CTNNA3: variants seen among roughly 807,000 people sequenced by gnomAD.
CTNNA3 encodes the protein catenin alpha-3.
In CTNNA3, 76 loss-of-function variants were observed where a neutral mutation model predicts 95.7. The ratio of observed to expected loss-of-function variants is 0.79; its 90% CI spans 0.66 to 0.96. The LOEUF (loss-of-function observed/expected upper bound fraction) is 0.96, where lower values mean the gene tolerates loss of function less well. Ranked by LOEUF, CTNNA3 falls within the 40% of genes least tolerant of loss-of-function variation. The pLI, the probability that CTNNA3 is intolerant of heterozygous loss-of-function variation, is 0.00. For missense variants in CTNNA3, 1,191 were observed against 1,089.8 expected (o/e 1.09, Z -1.31); for synonymous variants, 431 against 374.4 (o/e 1.15, Z -1.74).
At chr10:66,347,630 A>G (rs2132379896) in intron 12 of CTNNA3, among the ~76,000 whole-genome samples, 1 of 152,170 alleles carries the variant, frequency 6.6e-6, no homozygotes, top group African/African-American at 2.4e-5. Context: ...AAAAGCAGAC[A>G]GCAAGAATCT....
chr10:66,904,602 T>G (rs1043916805), intron 7 of CTNNA3, among the ~76,000 whole-genome samples: 12 of 151,546 alleles, frequency 7.9e-5, no homozygotes, highest in Non-Finnish European at 1.6e-4. Context: ...GGGAGAAAAA[T>G]TTTACAATCT....
At chr10:66,062,055 G>A (rs2133574328) in intron 15 of CTNNA3, among the ~76,000 whole-genome samples, 1 of 152,202 alleles carries the variant, frequency 6.6e-6, no homozygotes, top group African/African-American at 2.4e-5. Context: ...AACTTTGCTT[G>A]TGTGTCCTTG....
intron 11 of CTNNA3, among the ~76,000 whole-genome samples, chr10:66,512,972 G>A (rs149652177): frequency 1.3e-5 from 2 of 151,900 alleles, no homozygotes; most frequent in African/African-American, 4.8e-5. Context: ...TGACTATCAT[G>A]TGCCTCATAG....
chr10:66,747,679 T>C (rs992486964), intron 9 of CTNNA3, among the ~76,000 whole-genome samples: 2 of 152,160 alleles, frequency 1.3e-5, no homozygotes, highest in Admixed American at 1.3e-4. Flanking sequence ...GGTTTTCATA[T>C]ACTGGGGGAT....
intron 9 of CTNNA3, among the ~76,000 whole-genome samples, chr10:66,649,748 G>A (rs1055394290): frequency 1.3e-5 from 2 of 152,308 alleles, no homozygotes; most frequent in African/African-American, 2.4e-5. Flanking sequence ...CCCTAGGCTC[G>A]GGAACAGCCC....
At chr10:67,074,142 C>A (rs1856612013) in intron 7 of CTNNA3, among the ~76,000 whole-genome samples, 1 of 148,784 alleles carries the variant, frequency 6.7e-6, no homozygotes, top group Admixed American at 6.8e-5. Context: ...AAGAGATCCT[C>A]CTTCCTCAGC....
intron 7 of CTNNA3, among the ~76,000 whole-genome samples, chr10:67,075,562 A>G (rs1187483022): frequency 6.6e-6 from 1 of 152,200 alleles, no homozygotes; most frequent in Non-Finnish European, 1.5e-5. Context: ...GCCAATGTTT[A>G]ACATTTTCTC....
intron 17 of CTNNA3, among the ~76,000 whole-genome samples, chr10:65,961,852 C>A (rs2077851205): frequency 6.6e-6 from 1 of 151,874 alleles, no homozygotes; most frequent in Admixed American, 6.6e-5. Flanking sequence ...ATTCTTACTG[C>A]CTGGAATATA....
intron 10 of CTNNA3, among the ~76,000 whole-genome samples, chr10:66,590,098 T>A (rs1843497537): frequency 6.6e-6 from 1 of 152,114 alleles, no homozygotes; most frequent in Admixed American, 6.5e-5. Context: ...TCAATCAAAT[T>A]ATAATGTAAA....
intron 10 of CTNNA3, among the ~76,000 whole-genome samples, chr10:66,582,564 A>G (rs1274077239): frequency 6.6e-6 from 1 of 151,808 alleles, no homozygotes; most frequent in African/African-American, 2.4e-5. Flanking sequence ...TTCTAGATAT[A>G]AGATTATATC....
At chr10:67,394,083 G>A (rs187403311) in intron 5 of CTNNA3, among the ~76,000 whole-genome samples, 30 of 152,104 alleles carry the variant, frequency 2.0e-4, no homozygotes, top group African/African-American at 6.3e-4. Flanking sequence ...GACCAGTTGC[G>A]GATATATGGA....
chr10:66,886,392 C>T lies in CTNNA3; in HGVS notation c.1048-110868G>A, dbSNP rs1355141921. On this transcript the variant is annotated intron_variant, in intron 7 of 17. Coordinates refer to ENST00000433211, the MANE Select transcript of CTNNA3 (RefSeq NM_013266.4). ...CTGTGGTTTTGTATTCAGGTATCTT[C>T]ACTCTGTCTCCAATCCCAATGTCTG... 5.3e-5 allele frequency among the ~76,000 whole-genome samples: 8 copies of T among 152,252 alleles called. No individual in the cohort carries two copies. In the East Asian group the frequency reaches 1.4e-3, roughly 26 times the overall value.
intron 9 of CTNNA3, among the ~76,000 whole-genome samples, chr10:66,690,181 G>A (rs1564620729): frequency 6.6e-6 from 1 of 152,138 alleles, no homozygotes; most frequent in Non-Finnish European, 1.5e-5. Context: ...GGTATATGTT[G>A]AATGAAGGTT....
intron 5 of CTNNA3, among the ~76,000 whole-genome samples, chr10:67,438,145 T>C (rs1262526886): frequency 6.6e-6 from 1 of 152,132 alleles, no homozygotes; most frequent in Admixed American, 6.6e-5. Flanking sequence ...GCCAAGTTGT[T>C]TTTCCCACTT....
At chr10:66,466,641 A>ACT (rs1048322962) in intron 11 of CTNNA3, among the ~76,000 whole-genome samples, 2 of 151,706 alleles carry the variant, frequency 1.3e-5, no homozygotes, top group African/African-American at 4.8e-5. Context: ...GCAAGAGCAC[A>ACT]CTCTTTCATT....
At position 66,895,054 on chromosome 10, in the gene CTNNA3, C is replaced by CAAAAAA. The variant is rs537843933; in HGVS notation, c.1048-119536_1048-119531dup. Among the ~76,000 whole-genome samples the CAAAAAA allele has an allele frequency of 2.9e-3, 339 of 115,388 alleles. 2 individuals are homozygous for CAAAAAA. The highest frequency in any genetic ancestry group is 0.011 in the Middle Eastern group (2 of 184). 75.7% of individuals were successfully genotyped at this position (115,388 alleles called of 152,430 possible). ...ATAGAGAAAAAGTGAAACAAATAAA[C>CAAAAAA]AAAAAAAAAAAAAAAAAAGAAAGTG... On this transcript the variant is annotated intron_variant, in intron 7 of 17. Coordinates refer to ENST00000433211, the MANE Select transcript of CTNNA3 (RefSeq NM_013266.4).
At chr10:67,086,479 G>C (rs536965790) in intron 7 of CTNNA3, among the ~76,000 whole-genome samples, 1 of 152,106 alleles carries the variant, frequency 6.6e-6, no homozygotes, top group African/African-American at 2.4e-5. Flanking sequence ...GATGTCAGCT[G>C]CTTGGGTTCA....
Position 66,176,374 on chromosome 10 carries a change from TA to T in CTNNA3, c.1885-73126del, listed in dbSNP as rs539269045. Among the ~76,000 whole-genome samples, 464 of 152,302 alleles carry T rather than the reference TA, an allele frequency of 3.0e-3. 1 individual carries two copies. The highest frequency in any genetic ancestry group is 5.2e-3 in the Non-Finnish European group (356 of 68,018). ...TGACCTTATGTATTTGAAATATTTT[TA>T]AATTACTGAAGTCTTTGGAAACTGC... On this transcript the variant is annotated intron_variant, in intron 13 of 17. Coordinates refer to ENST00000433211, the MANE Select transcript of CTNNA3 (RefSeq NM_013266.4).
At chr10:66,534,486 ATATATATATATATATG>A (rs1180359751) in intron 10 of CTNNA3, among the ~76,000 whole-genome samples, 2 of 13,912 alleles carry the variant, frequency 1.4e-4, no homozygotes, top group African/African-American at 4.5e-4. Context: ...ATATATATAT[ATATATATATATATATG>A]TATATATATG....
Sources: allele counts gnomAD v4.1 joint callset (sites outside exome capture counted in the v4.1 genomes callset), GRCh38; gene constraint gnomAD v4.1.1; transcripts MANE v1.5; gene names NCBI Gene and HGNC (gene_info 2026-07-23, HGNC 2026-07-21).